HCN1: variants seen among roughly 807,000 people sequenced by gnomAD.
The protein encoded by HCN1 is potassium/sodium hyperpolarization-activated cyclic nucleotide-gated channel 1.
HCN1 carries 13 observed loss-of-function variants against 78.9 expected under a neutral mutation model. The observed-to-expected ratio is 0.16, with a 90% CI of 0.11 to 0.26. The LOEUF (loss-of-function observed/expected upper bound fraction) is 0.26, where lower values mean the gene tolerates loss of function less well. Among genes scored for constraint, HCN1 ranks in the 10% least tolerant of loss-of-function variants. HCN1 has a pLI of 1.00. For synonymous variants in HCN1, 552 were observed against 455.5 expected (o/e 1.21, Z -2.70); for missense variants, 810 against 1,154.3 (o/e 0.70, Z 4.32).
At chr5:45,425,779 T>C (rs900569491) in intron 3 of HCN1, among the ~76,000 whole-genome samples, 1 of 152,108 alleles carries the variant, frequency 6.6e-6, no homozygotes, top group African/African-American at 2.4e-5. Flanking sequence ...GATTAAGAGA[T>C]TTTACCGACA....
intron 2 of HCN1, among the ~76,000 whole-genome samples, chr5:45,593,340 TCA>T (rs538486679): frequency 0.29 from 36,036 of 124,742 alleles, 4,707 homozygotes; most frequent in East Asian, 0.35. Context: ...TCTCTCTCTC[TCA>T]CACACACACA....
In HCN1 at chr5:45,295,906, A is replaced by G. The variant is rs940188880; in HGVS notation, c.1618+7693T>C. On this transcript the variant is annotated intron_variant, in intron 6 of 7. Transcript: ENST00000303230. ...AATAGGCAGGGATTGTATAATATGT[A>G]TAGCTTATTAAATAAGTACATGTTA... Among the ~76,000 whole-genome samples, 4 of 152,024 alleles carry G rather than the reference A, an allele frequency of 2.6e-5. No homozygotes were observed. In the East Asian group the frequency reaches 7.7e-4, roughly 29 times the overall value.
intron 4 of HCN1, among the ~76,000 whole-genome samples, chr5:45,391,034 G>T (rs965511911): frequency 2.7e-4 from 41 of 151,940 alleles, no homozygotes; most frequent in African/African-American, 9.9e-4. Context: ...ACATACCACG[G>T]TATGTTAAAT....
Position 45,525,772 on chromosome 5 carries a change from G to T in HCN1, c.850-63765C>A, listed in dbSNP as rs187970423. On this transcript the variant is annotated intron_variant, in intron 2 of 7. Coordinates refer to ENST00000303230, the MANE Select transcript of HCN1 (RefSeq NM_021072.4). ...CACTGCTACACTGCTCTGCCTCAGTGCTCACTATAATATTTAGTTTAGGTC... is the reference window on the plus strand; with the variant it reads ...CACTGCTACACTGCTCTGCCTCAGTTCTCACTATAATATTTAGTTTAGGTC... Among the ~76,000 whole-genome samples, 132 of 152,064 alleles carry T rather than the reference G, an allele frequency of 8.7e-4. 1 individual carries two copies. Among genetic ancestry groups the T allele is most frequent in the African/African-American group, 2.8e-3 (116 of 41,514 alleles).
intron 3 of HCN1, among the ~76,000 whole-genome samples, chr5:45,428,512 G>A (rs913044944): frequency 2.0e-5 from 3 of 151,864 alleles, no homozygotes; most frequent in Non-Finnish European, 4.4e-5. Context: ...TCATAAATTT[G>A]TAAAAATGAA....
intron 2 of HCN1, among the ~76,000 whole-genome samples, chr5:45,505,846 G>C (rs1379692923): frequency 6.6e-6 from 1 of 151,856 alleles, no homozygotes; most frequent in Non-Finnish European, 1.5e-5. Context: ...TCAAATACTG[G>C]TATTATTTTT....
At chr5:45,674,457 T>A (rs1203298482) in intron 1 of HCN1, among the ~76,000 whole-genome samples, 1 of 151,692 alleles carries the variant, frequency 6.6e-6, no homozygotes, top group East Asian at 1.9e-4. Flanking sequence ...TTGTTTATAA[T>A]TTTATGTTAA....
At chr5:45,286,274 T>C (rs935207543) in intron 6 of HCN1, among the ~76,000 whole-genome samples, 7 of 152,002 alleles carry the variant, frequency 4.6e-5, no homozygotes, top group Admixed American at 2.6e-4. Context: ...CTCCAAGTTA[T>C]AATAGTACAT....
chr5:45,510,008 C>T (rs1742379765), intron 2 of HCN1, among the ~76,000 whole-genome samples: 1 of 152,008 alleles, frequency 6.6e-6, no homozygotes, highest in Admixed American at 6.6e-5. Flanking sequence ...GACTATCATC[C>T]ATGTAAATTA....
chr5:45,378,570 C>A (rs1053596204), intron 4 of HCN1, among the ~76,000 whole-genome samples: 1 of 152,042 alleles, frequency 6.6e-6, no homozygotes, highest in Non-Finnish European at 1.5e-5. Flanking sequence ...TCTATCCATT[C>A]ATTGATTAAT....
intron 2 of HCN1, among the ~76,000 whole-genome samples, chr5:45,562,268 C>T (rs1038918747): frequency 6.6e-6 from 1 of 152,142 alleles, no homozygotes; most frequent in African/African-American, 2.4e-5. Flanking sequence ...GTATACCTGT[C>T]ATACCTTCCC....
At position 45,550,792 on chromosome 5, in the gene HCN1, T is replaced by C. The variant is rs553128112; in HGVS notation, c.850-88785A>G. On this transcript the variant is annotated intron_variant, in intron 2 of 7. Coordinates refer to ENST00000303230, the MANE Select transcript of HCN1 (RefSeq NM_021072.4). ...ATCTTCAAAAAGCATATTTAATCCA[T>C]TGTGGTAGCAACAATAAAAATTCAC... Among the ~76,000 whole-genome samples the C allele has an allele frequency of 1.2e-4, 19 of 152,162 alleles. No individual in the cohort carries two copies. In the South Asian group the frequency reaches 2.9e-3, roughly 23 times the overall value.
At chr5:45,595,783 T>A (rs1744479340) in intron 2 of HCN1, among the ~76,000 whole-genome samples, 1 of 152,028 alleles carries the variant, frequency 6.6e-6, no homozygotes, top group African/African-American at 2.4e-5. Context: ...TGTGTCTCAG[T>A]ATCTTGTGGA....
chr5:45,652,149 C>CA (rs1319694437), intron 1 of HCN1, among the ~76,000 whole-genome samples: 2 of 151,730 alleles, frequency 1.3e-5, no homozygotes, highest in Non-Finnish European at 2.9e-5. Context: ...AGTTGTGTAC[C>CA]AATCCAAGCA....
At position 45,695,663 on chromosome 5, in the gene HCN1, C is replaced by A; in HGVS notation, c.425+6G>T. The stretch of plus-strand genomic sequence containing the variant: ...GGAGGGTGGGGCGGCGACCGGGAGC[C>A]CTCACCTGAAATCACTGTAAGGGTG... On this transcript the variant is annotated splice_donor_region_variant and intron_variant, in intron 1 of 7. Transcript: ENST00000303230. 1 of 1,611,680 alleles carries A rather than the reference C, an allele frequency of 6.2e-7. No individual in the cohort carries two copies. Among genetic ancestry groups the A allele is most frequent in the Non-Finnish European group, 8.5e-7 (1 of 1,179,268 alleles).
At chr5:45,578,702 T>A (rs1743996622) in intron 2 of HCN1, among the ~76,000 whole-genome samples, 1 of 151,846 alleles carries the variant, frequency 6.6e-6, no homozygotes, top group African/African-American at 2.4e-5. Flanking sequence ...AATATTAATA[T>A]TCCCATTTTA....
rs1373743289 is a variant in HCN1, at chr5:45,568,407, A to G, written c.849+76778T>C. 4.6e-5 allele frequency among the ~76,000 whole-genome samples: 7 copies of G among 150,930 alleles called. 1 individual carries two copies. In the South Asian group the frequency reaches 1.0e-3, roughly 23 times the overall value. ...TTAGGAATGTAAAGTGCAAAATTTG[A>G]AAAAAAAAGCATAATAAATTGGAAT... On this transcript the variant is annotated intron_variant, in intron 2 of 7. Transcript: ENST00000303230.
In HCN1 at chr5:45,545,032, C is replaced by T. The variant is rs552119709; in HGVS notation, c.850-83025G>A. On this transcript the variant is annotated intron_variant, in intron 2 of 7. Coordinates refer to ENST00000303230, the MANE Select transcript of HCN1 (RefSeq NM_021072.4). Reference sequence around the variant, plus strand: ...CCCTGAGGAATCGCCACACTGACTTCCACAATGGTTGAACTAGTTTACAGT... The same window carrying T: ...CCCTGAGGAATCGCCACACTGACTTTCACAATGGTTGAACTAGTTTACAGT... Among the ~76,000 whole-genome samples the T allele has an allele frequency of 4.0e-3, 613 of 152,252 alleles. 1 individual carries two copies. Among genetic ancestry groups the T allele is most frequent in the Non-Finnish European group, 5.5e-3 (372 of 68,018 alleles).
chr5:45,546,637 T>C (rs969027623), intron 2 of HCN1, among the ~76,000 whole-genome samples: 1 of 151,874 alleles, frequency 6.6e-6, no homozygotes. Flanking sequence ...TCCTCCATAA[T>C]ATTTTACATC....
Sources: allele counts gnomAD v4.1 joint callset (sites outside exome capture counted in the v4.1 genomes callset), GRCh38; gene constraint gnomAD v4.1.1; transcripts MANE v1.5; gene names NCBI Gene and HGNC (gene_info 2026-07-23, HGNC 2026-07-21).